PXDNL: variants seen among roughly 807,000 people sequenced by gnomAD.
The protein encoded by PXDNL is probable oxidoreductase PXDNL.
In PXDNL, 145 loss-of-function variants were observed where a neutral mutation model predicts 150.8. The observed-to-expected ratio is 0.96, with a 90% CI of 0.84 to 1.10. The LOEUF is 1.10. PXDNL is among the 50% of genes least tolerant of loss of function. The pLI, the probability that PXDNL is intolerant of heterozygous loss-of-function variation, is 0.00. For missense variants in PXDNL, 2,087 were observed against 1,873.9 expected, an observed-to-expected ratio of 1.11 and a Z score of -2.10; for synonymous variants, 757 against 725.7, an observed-to-expected ratio of 1.04 and a Z score of -0.69.
intron 2 of PXDNL, among the ~76,000 whole-genome samples, chr8:51,618,153 G>T (rs1814169955): frequency 6.6e-6 from 1 of 152,220 alleles, no homozygotes; most frequent in African/African-American, 2.4e-5. Flanking sequence ...CAGACCTCCA[G>T]ATGGCAACAG....
chr8:51,763,713 T>C (rs555197909), intron 1 of PXDNL, among the ~76,000 whole-genome samples: 1 of 152,340 alleles, frequency 6.6e-6, no homozygotes, highest in South Asian at 2.1e-4. Flanking sequence ...TTTATGCTAT[T>C]ATGAATGAAA....
chr8:51,580,736 G>C (rs1295859538), intron 3 of PXDNL, among the ~76,000 whole-genome samples: 1 of 152,120 alleles, frequency 6.6e-6, no homozygotes, highest in Non-Finnish European at 1.5e-5. Context: ...TTGTAGAATA[G>C]AAGGATACAA....
intron 1 of PXDNL, among the ~76,000 whole-genome samples, chr8:51,662,546 CA>C (rs1815298275): frequency 6.6e-6 from 1 of 152,040 alleles, no homozygotes; most frequent in African/African-American, 2.4e-5. Context: ...TTTTAAAATA[CA>C]ACAATAAAAA....
Position 51,319,635 on chromosome 8 carries a change from C to G in PXDNL, c.*256G>C, listed in dbSNP as rs1805258251. ...TTCCAGGTGTGGCATATAAAACTGA[C>G]AGCTTACAGTAAGAAATATTTCTTA... On this transcript the variant is annotated 3_prime_UTR_variant, in exon 23 of 23. Coordinates refer to ENST00000356297, the MANE Select transcript of PXDNL (RefSeq NM_144651.5). The G allele has an allele frequency of 8.4e-6, 2 of 239,180 alleles. No individual in the cohort carries two copies. Among genetic ancestry groups the G allele is most frequent in the Non-Finnish European group, 1.6e-5 (2 of 125,816 alleles). 14.8% of individuals were successfully genotyped at this position (239,180 alleles called of 1,614,324 possible).
chr8:51,748,192 C>T (rs886162091), intron 1 of PXDNL, among the ~76,000 whole-genome samples: 1 of 152,214 alleles, frequency 6.6e-6, no homozygotes, highest in South Asian at 2.1e-4. Flanking sequence ...TAAGACACAC[C>T]GGGGACTTAC....
chr8:51,690,465 C>G (rs560898917), intron 1 of PXDNL, among the ~76,000 whole-genome samples: 193 of 152,164 alleles, frequency 1.3e-3, no homozygotes, highest in African/African-American at 4.2e-3. Flanking sequence ...TGATGATTTC[C>G]AATTTCATCC....
At chr8:51,465,387 C>T (rs1017190491) in intron 8 of PXDNL, among the ~76,000 whole-genome samples, 14 of 151,852 alleles carry the variant, frequency 9.2e-5, no homozygotes, top group Admixed American at 1.3e-4. Flanking sequence ...ACAAACTAGG[C>T]GTCAAAGCAA....
intron 16 of PXDNL, among the ~76,000 whole-genome samples, 193 bp downstream of exon 16, chr8:51,411,057 T>C (rs895287114): frequency 6.6e-6 from 1 of 152,228 alleles, no homozygotes; most frequent in African/African-American, 2.4e-5. Context: ...AGTTTGAATA[T>C]ATATTTATCA....
chr8:51,703,055 T>G (rs1437641117), intron 1 of PXDNL, among the ~76,000 whole-genome samples: 1 of 152,210 alleles, frequency 6.6e-6, no homozygotes, highest in Non-Finnish European at 1.5e-5. Context: ...ACTAATGCTA[T>G]CTGAACTCTT....
Position 51,445,986 on chromosome 8 carries a change from TA to T in PXDNL, c.1525+1017del, listed in dbSNP as rs35565640. Among the ~76,000 whole-genome samples, 1,099 of 145,074 alleles carry T rather than the reference TA, an allele frequency of 7.6e-3. 15 individuals carry two copies. The highest frequency in any genetic ancestry group is 0.049 in the East Asian group (249 of 5,056). ...CCCCCCGTAGAACCTCAACTTCCTT[TA>T]AAAAAAAAAAAAATTTAGTATGTCT... is the stretch of plus-strand genomic sequence containing the variant. On this transcript the variant is annotated intron_variant, in intron 12 of 22. Coordinates refer to ENST00000356297, the MANE Select transcript of PXDNL (RefSeq NM_144651.5).
At chr8:51,440,486 C>T (rs1421922705) in intron 12 of PXDNL, among the ~76,000 whole-genome samples, 2 of 151,866 alleles carry the variant, frequency 1.3e-5, no homozygotes, top group Admixed American at 6.6e-5. Context: ...TGGCAGTGAC[C>T]TTTGGGGATA....
At chr8:51,426,786 T>C in intron 12 of PXDNL, 28 bp from the exon 13 acceptor site, 1 of 1,263,740 alleles carries the variant, frequency 7.9e-7, no homozygotes, top group Non-Finnish European at 1.1e-6. Flanking sequence ...AATAACATCA[T>C]GTCAAATAAT....
chr8:51,807,325 A>C (rs1253030717), intron 1 of PXDNL, among the ~76,000 whole-genome samples: 1 of 145,888 alleles, frequency 6.9e-6, no homozygotes, highest in Non-Finnish European at 1.5e-5. Flanking sequence ...AAGAAGAGCT[A>C]TATACTTTTA....
chr8:51,570,046 T>A (rs1174401186), intron 3 of PXDNL, among the ~76,000 whole-genome samples: 6 of 151,956 alleles, frequency 3.9e-5, no homozygotes, highest in Non-Finnish European at 7.4e-5. Flanking sequence ...TTACAGTGTT[T>A]ACACCCAGCC....
At chr8:51,556,728 C>A in intron 4 of PXDNL, 112 bp downstream of exon 4, 1 of 674,696 alleles carries the variant, frequency 1.5e-6, no homozygotes, top group Non-Finnish European at 2.7e-6. Context: ...ATCATTCAAG[C>A]CACATGGAGA....
At chr8:51,761,783 T>A (rs538795999) in intron 1 of PXDNL, among the ~76,000 whole-genome samples, 1 of 152,342 alleles carries the variant, frequency 6.6e-6, no homozygotes, top group Admixed American at 6.5e-5. Context: ...AAAATAAATA[T>A]AACAGAAAAT....
Position 51,683,164 on chromosome 8 carries a change from CATATAT to C in PXDNL, c.165-28410_165-28405del, listed in dbSNP as rs71237228. 8.8e-3 allele frequency among the ~76,000 whole-genome samples: 393 copies of C among 44,454 alleles called. 10 individuals carry two copies. The highest frequency in any genetic ancestry group is 0.026 in the East Asian group (13 of 496). The allele number at this position is 44,454 out of a possible 152,430, so 29.2% of individuals were successfully genotyped here. ...ATCCTTACTAACACCAATTGTCTTTCATATATATATATATATATATATATATATATA... is the reference window on the plus strand; with the variant it reads ...ATCCTTACTAACACCAATTGTCTTTCATATATATATATATATATATATATA... On this transcript the variant is annotated intron_variant, in intron 1 of 22. Coordinates refer to ENST00000356297, the MANE Select transcript of PXDNL (RefSeq NM_144651.5).
intron 1 of PXDNL, among the ~76,000 whole-genome samples, chr8:51,700,274 CAT>C (rs1027950008): frequency 1.1e-4 from 14 of 130,666 alleles, no homozygotes; most frequent in East Asian, 2.3e-4. Flanking sequence ...CACACACACA[CAT>C]ATATACATAC....
chr8:51,624,099 C>CAA (rs59841822), intron 2 of PXDNL, among the ~76,000 whole-genome samples: 46,045 of 79,214 alleles, frequency 0.58, 15,305 homozygotes, highest in Non-Finnish European at 0.72. Context: ...TCTCAAATTA[C>CAA]AAAAAAAAAA....
Sources: allele counts gnomAD v4.1 joint callset (sites outside exome capture counted in the v4.1 genomes callset), GRCh38; gene constraint gnomAD v4.1.1; transcripts MANE v1.5; gene names NCBI Gene and HGNC (gene_info 2026-07-23, HGNC 2026-07-21).